The following FAM227B variants were observed in gnomAD, a reference collection of about 807,000 sequenced individuals.
FAM227B encodes the protein protein FAM227B.
A neutral mutation model predicts 73.8 loss-of-function variants in FAM227B; 88 were observed. The ratio of observed to expected loss-of-function variants is 1.19; its 90% CI spans 1.00 to 1.42. The LOEUF (loss-of-function observed/expected upper bound fraction) is 1.42. Among genes scored for constraint, FAM227B ranks in the 40% most tolerant of loss-of-function variants. The pLI is 0.00. For missense variants in FAM227B, 632 were observed against 590.9 expected (o/e 1.07, Z -0.72); for synonymous variants, 210 against 190.5 (o/e 1.10, Z -0.84).
intron 9 of FAM227B, among the ~76,000 whole-genome samples, chr15:49,545,662 T>G (rs546810988): frequency 6.6e-6 from 1 of 152,302 alleles, no homozygotes; most frequent in South Asian, 2.1e-4. Flanking sequence ...TGGCTTTTGC[T>G]GTGTCCCAGA....
rs145406340 is a variant in FAM227B at position 49,389,485 on chromosome 15, C to T, written c.1013-18086G>A. 1.1e-3 allele frequency among the ~76,000 whole-genome samples: 166 copies of T among 151,584 alleles called. 2 individuals carry two copies. In the East Asian group the frequency reaches 0.03, roughly 28 times the overall value. ...ATAATAGATTTTAGAGACTCAGAGC[C>T]GGGAGGGTGAGAGGAGGGCTAGAGA... On this transcript the variant is annotated intron_variant, in intron 11 of 15. Transcript: ENST00000299338.
intron 11 of FAM227B, among the ~76,000 whole-genome samples, chr15:49,475,455 C>T (rs1038556664): frequency 5.9e-5 from 9 of 152,056 alleles, no homozygotes; most frequent in Non-Finnish European, 1.0e-4. Context: ...GACCTATAGG[C>T]ACAGAGATGG....
At chr15:49,575,829 C>G (rs1324906325) in intron 7 of FAM227B, among the ~76,000 whole-genome samples, 1 of 152,080 alleles carries the variant, frequency 6.6e-6, no homozygotes, top group Non-Finnish European at 1.5e-5. Context: ...AACAATTAAT[C>G]AAAATTGGAA....
At chr15:49,573,246 T>C (rs1567609487) in intron 8 of FAM227B, among the ~76,000 whole-genome samples, 1 of 152,208 alleles carries the variant, frequency 6.6e-6, no homozygotes, top group Non-Finnish European at 1.5e-5. Context: ...TCTAGATATG[T>C]TATTATTTTA....
intron 13 of FAM227B, among the ~76,000 whole-genome samples, chr15:49,340,180 T>C (rs1003524202): frequency 2.0e-5 from 3 of 152,152 alleles, no homozygotes; most frequent in Non-Finnish European, 4.4e-5. Context: ...AAAACTCCTG[T>C]GGCTAGCTTG....
chr15:49,520,844 G>T (rs2059731504), intron 10 of FAM227B, among the ~76,000 whole-genome samples: 1 of 152,022 alleles, frequency 6.6e-6, no homozygotes, highest in East Asian at 1.9e-4. Context: ...GAAGAAGCTG[G>T]GCCACAGGAA....
chr15:49,495,915 T>C (rs932905999), intron 11 of FAM227B, among the ~76,000 whole-genome samples: 7 of 151,954 alleles, frequency 4.6e-5, no homozygotes, highest in Admixed American at 1.3e-4. Context: ...CCCAGCTACT[T>C]GGGAGACTGA....
At chr15:49,454,773 C>T (rs368755399) in intron 11 of FAM227B, among the ~76,000 whole-genome samples, 32 of 152,194 alleles carry the variant, frequency 2.1e-4, no homozygotes, top group African/African-American at 7.7e-4. Flanking sequence ...CCATGCCCCA[C>T]TAAATTTTTG....
chr15:49,591,313 G>A (rs1174195689), intron 3 of FAM227B, among the ~76,000 whole-genome samples: 2 of 150,500 alleles, frequency 1.3e-5, no homozygotes, highest in Non-Finnish European at 3.0e-5. Context: ...CCCGTAATCC[G>A]CCTGCCTCAG....
At chr15:49,436,771 A>G (rs1385346187) in intron 11 of FAM227B, among the ~76,000 whole-genome samples, 1 of 151,594 alleles carries the variant, frequency 6.6e-6, no homozygotes, top group African/African-American at 2.4e-5. Context: ...CAGCTTTAGT[A>G]TCATCACATG....
chr15:49,407,687 TATA>T (rs1468742902), intron 11 of FAM227B, among the ~76,000 whole-genome samples: 2 of 148,460 alleles, frequency 1.3e-5, no homozygotes, highest in Admixed American at 6.7e-5. Context: ...CTAATATATA[TATA>T]ATATGTATTT....
chr15:49,617,962 A>G (rs1567718056), intron 1 of FAM227B, among the ~76,000 whole-genome samples: 1 of 152,150 alleles, frequency 6.6e-6, no homozygotes, highest in Non-Finnish European at 1.5e-5. Flanking sequence ...CTTTGCTCAG[A>G]GCTCCTCCCT....
At chr15:49,570,355 A>T (rs2075003232) in intron 8 of FAM227B, among the ~76,000 whole-genome samples, 1 of 151,874 alleles carries the variant, frequency 6.6e-6, no homozygotes, top group South Asian at 2.1e-4. Context: ...CAGTTGTGTG[A>T]GATGACATCC....
At chr15:49,540,669 G>A (rs1328457949) in intron 10 of FAM227B, among the ~76,000 whole-genome samples, 3 of 152,120 alleles carry the variant, frequency 2.0e-5, no homozygotes, top group Non-Finnish European at 4.4e-5. Flanking sequence ...TCCAAATACA[G>A]TCACATTGTG....
At chr15:49,566,179 T>A (rs1157875624) in intron 9 of FAM227B, among the ~76,000 whole-genome samples, 4 of 152,204 alleles carry the variant, frequency 2.6e-5, no homozygotes, top group Non-Finnish European at 5.9e-5. Flanking sequence ...TCTTTTAAGA[T>A]CTCCATGATT....
intron 11 of FAM227B, among the ~76,000 whole-genome samples, chr15:49,391,335 G>C (rs1041407913): frequency 6.6e-6 from 1 of 152,086 alleles, no homozygotes; most frequent in Non-Finnish European, 1.5e-5. Flanking sequence ...AAGGGAAAAG[G>C]CTTGAGTCCC....
At chr15:49,395,841 C>T (rs984249944) in intron 11 of FAM227B, 1 of 425,826 alleles carries the variant, frequency 2.3e-6, no homozygotes, top group African/African-American at 2.1e-5. Flanking sequence ...TTAAACTCAA[C>T]ACATTCAAAG....
chr15:49,541,906 T>A, intron 9 of FAM227B, 100 bp from the exon 10 acceptor site: 2 of 948,520 alleles, frequency 2.1e-6, no homozygotes, highest in Non-Finnish European at 2.8e-6. Flanking sequence ...GCCTTGCAAT[T>A]TATTAACCGA....
At chr15:49,568,444 A>G (rs2074834370) in intron 8 of FAM227B, 98 bp from the exon 9 acceptor site, 1 of 972,418 alleles carries the variant, frequency 1.0e-6, no homozygotes, top group Non-Finnish European at 1.5e-6. Context: ...TGAGCAGATC[A>G]ATTGGTACAG....
Sources: allele counts gnomAD v4.1 joint callset (sites outside exome capture counted in the v4.1 genomes callset), GRCh38; gene constraint gnomAD v4.1.1; transcripts MANE v1.5; gene names NCBI Gene and HGNC (gene_info 2026-07-23, HGNC 2026-07-21).